Variants in ANKRD45 observed in about 807,000 individuals in gnomAD.
The protein encoded by ANKRD45 is ankyrin repeat domain 45.
A neutral mutation model predicts 28.1 loss-of-function variants in ANKRD45; 21 were observed. The observed-to-expected ratio is 0.75, with a 90% CI of 0.53 to 1.08. The LOEUF is 1.08. Ranked by LOEUF, ANKRD45 falls within the 50% of genes least tolerant of loss-of-function variation. The pLI is 0.00. For missense variants in ANKRD45, 261 were observed against 308.7 expected (o/e 0.85, Z 1.16); for synonymous variants, 86 against 103.9 (o/e 0.83, Z 1.05).
chr1:173,693,992 C>T, the ANKRD45 span, among the ~76,000 whole-genome samples: 3 of 152,202 alleles, frequency 2.0e-5, no homozygotes, highest in Non-Finnish European at 2.9e-5. Context: ...AAAGGGCTGC[C>T]ACTGGGTTAG....
At chr1:173,613,649 G>C (rs951588667) in intron 5 of ANKRD45, among the ~76,000 whole-genome samples, 2 of 149,292 alleles carry the variant, frequency 1.3e-5, no homozygotes, top group Admixed American at 6.6e-5. Context: ...GAGGGAGGAG[G>C]GGGGTCAGCC....
chr1:173,649,468 T>A (rs954424944), intron 2 of ANKRD45, among the ~76,000 whole-genome samples: 5 of 152,182 alleles, frequency 3.3e-5, no homozygotes, highest in African/African-American at 1.2e-4. Flanking sequence ...ATATTTTCAT[T>A]TATTTACTGG....
intron 3 of ANKRD45, among the ~76,000 whole-genome samples, chr1:173,635,122 T>C (rs907686428): frequency 1.3e-5 from 2 of 152,098 alleles, no homozygotes; most frequent in Non-Finnish European, 2.9e-5. Flanking sequence ...AAAATATTAG[T>C]AAAGTGTTCA....
chr1:173,610,477 C>T (rs576082072), intron 5 of ANKRD45, among the ~76,000 whole-genome samples: 15 of 152,230 alleles, frequency 9.9e-5, no homozygotes, highest in East Asian at 5.8e-4. Flanking sequence ...TTGAATAAAC[C>T]GCTAAACCTC....
chr1:173,708,224 T>C, the ANKRD45 span, among the ~76,000 whole-genome samples: 1 of 152,236 alleles, frequency 6.6e-6, no homozygotes, highest in Non-Finnish European at 1.5e-5. Context: ...ATGGTTTGAC[T>C]TATGGATGGT....
the ANKRD45 span, among the ~76,000 whole-genome samples, chr1:173,676,299 T>G: frequency 2.0e-5 from 3 of 152,202 alleles, no homozygotes; most frequent in African/African-American, 7.2e-5. Context: ...TCTGTAGAAA[T>G]CAGGTAGACA....
chr1:173,625,534 A>G (rs1667894688), intron 4 of ANKRD45, among the ~76,000 whole-genome samples: 1 of 152,182 alleles, frequency 6.6e-6, no homozygotes, highest in African/African-American at 2.4e-5. Flanking sequence ...TGTCTGATTT[A>G]AGATGTTTAT....
the ANKRD45 span, among the ~76,000 whole-genome samples, chr1:173,693,676 AAGAG>A: frequency 2.6e-5 from 4 of 152,326 alleles, 1 homozygote; most frequent in African/African-American, 9.6e-5. Flanking sequence ...AGTTCAAATA[AAGAG>A]AGAGTGAAGT....
intron 4 of ANKRD45, among the ~76,000 whole-genome samples, 153 bp from the exon 5 acceptor site, chr1:173,625,078 T>C (rs1667872497): frequency 6.6e-6 from 1 of 152,212 alleles, no homozygotes. Flanking sequence ...TAGATATAAA[T>C]AGCTATTGAG....
chr1:173,703,660 G>A, the ANKRD45 span, among the ~76,000 whole-genome samples: 27,988 of 152,088 alleles, frequency 0.18, 2,636 homozygotes, highest in Middle Eastern at 0.34. Flanking sequence ...CCACACAAAC[G>A]TAGGTTTCCC....
chr1:173,633,379 T>C (rs960252036), intron 3 of ANKRD45, among the ~76,000 whole-genome samples: 1 of 152,072 alleles, frequency 6.6e-6, no homozygotes, highest in Non-Finnish European at 1.5e-5. Flanking sequence ...TCCATGTTCA[T>C]AGATTGGAAG....
At chr1:173,674,211 G>T (rs1400787886), upstream of ANKRD45, among the ~76,000 whole-genome samples, 1 of 152,016 alleles carries the variant, frequency 6.6e-6, no homozygotes, top group East Asian at 1.9e-4. Flanking sequence ...ACAGGGTTTT[G>T]CCATGTTGCC....
chr1:173,682,242 A>G, the ANKRD45 span, among the ~76,000 whole-genome samples: 1 of 152,148 alleles, frequency 6.6e-6, no homozygotes, highest in Non-Finnish European at 1.5e-5. Flanking sequence ...AGACCACATG[A>G]TCTTTTTACA....
the ANKRD45 span, among the ~76,000 whole-genome samples, chr1:173,697,533 G>T: frequency 2.0e-5 from 3 of 152,232 alleles, no homozygotes; most frequent in South Asian, 2.1e-4. Flanking sequence ...AGAAAAGAAT[G>T]TTCAACCCAG....
chr1:173,714,031 CT>C, the ANKRD45 span, among the ~76,000 whole-genome samples: 1 of 152,154 alleles, frequency 6.6e-6, no homozygotes, highest in Non-Finnish European at 1.5e-5. Flanking sequence ...CCACTACAAG[CT>C]AATTAACAAG....
At chr1:173,672,040 CT>C (rs1034455696), upstream of ANKRD45, among the ~76,000 whole-genome samples, 8 of 152,266 alleles carry the variant, frequency 5.3e-5, no homozygotes, top group Non-Finnish European at 1.2e-4. Flanking sequence ...TTGCCTCGGT[CT>C]CTTCTTCTGC....
chr1:173,663,210 G>A (rs941305385), intron 1 of ANKRD45, among the ~76,000 whole-genome samples: 1 of 152,092 alleles, frequency 6.6e-6, no homozygotes, highest in Non-Finnish European at 1.5e-5. Flanking sequence ...GCACAAGCCT[G>A]GGGGCAGGCA....
At chr1:173,639,034 A>ACTGCCCAATAATTAGT (rs1212936411) in intron 3 of ANKRD45, among the ~76,000 whole-genome samples, 1 of 152,216 alleles carries the variant, frequency 6.6e-6, no homozygotes, top group Non-Finnish European at 1.5e-5. Flanking sequence ...AGTCAGGAAG[A>ACTGCCCAATAATTAGT]CTGCCCAATA....
chr1:173,681,094 A>G, the ANKRD45 span, among the ~76,000 whole-genome samples: 3 of 152,104 alleles, frequency 2.0e-5, no homozygotes, highest in Non-Finnish European at 2.9e-5. Flanking sequence ...ACAAACCTCC[A>G]CATTCTGCAC....
Sources: allele counts gnomAD v4.1 joint callset (sites outside exome capture counted in the v4.1 genomes callset), GRCh38; gene constraint gnomAD v4.1.1; transcripts MANE v1.5; gene names NCBI Gene and HGNC (gene_info 2026-07-23, HGNC 2026-07-21).